Variants in ZMYND11 observed in about 807,000 individuals in gnomAD.
ZMYND11 encodes zinc finger MYND domain-containing protein 11.
A neutral mutation model predicts 84.9 loss-of-function variants in ZMYND11; 9 were observed. The observed-to-expected ratio is 0.11, with a 90% CI of 0.06 to 0.18. ZMYND11 has a LOEUF of 0.18. Ranked by LOEUF, ZMYND11 falls within the 10% of genes least tolerant of loss-of-function variation. The pLI is 1.00. For missense variants in ZMYND11, 409 were observed against 761.0 expected (o/e 0.54, Z 5.44); for synonymous variants, 250 against 244.1 (o/e 1.02, Z -0.23).
At chr10:166,269 G>A (rs920227837) in intron 1 of ZMYND11, among the ~76,000 whole-genome samples, 2 of 152,092 alleles carry the variant, frequency 1.3e-5, no homozygotes, top group African/African-American at 2.4e-5. Flanking sequence ...AAATTTGAAA[G>A]TTTTATGCAT....
chr10:218,079 A>G (rs1326352067), intron 3 of ZMYND11, among the ~76,000 whole-genome samples: 1 of 151,482 alleles, frequency 6.6e-6, no homozygotes, highest in Non-Finnish European at 1.5e-5. Flanking sequence ...TTAATAAGAC[A>G]TACATTCATG....
chr10:249,805 T>C, intron 14 of ZMYND11: 4 of 955,522 alleles, frequency 4.2e-6, no homozygotes, highest in Non-Finnish European at 5.0e-6. Flanking sequence ...TTCTTCATTT[T>C]ATCAAGCCTA....
At chr10:188,350 G>A (rs549726687) in intron 2 of ZMYND11, among the ~76,000 whole-genome samples, 138 of 152,018 alleles carry the variant, frequency 9.1e-4, no homozygotes, top group African/African-American at 3.2e-3. Flanking sequence ...ACTTTGGGAG[G>A]CTGAGGCAGG....
intron 4 of ZMYND11, among the ~76,000 whole-genome samples, chr10:234,430 A>AG (rs1949564659): frequency 6.6e-6 from 1 of 152,334 alleles, no homozygotes; most frequent in East Asian, 1.9e-4. Context: ...TGTGCATGAT[A>AG]TTTAGTGAAT....
At chr10:167,336 G>A (rs1216227294) in intron 1 of ZMYND11, among the ~76,000 whole-genome samples, 1 of 152,002 alleles carries the variant, frequency 6.6e-6, no homozygotes, top group Non-Finnish European at 1.5e-5. Context: ...AATTGTATGT[G>A]AATTATACCT....
At chr10:235,686 C>T (rs1202366192) in intron 4 of ZMYND11, among the ~76,000 whole-genome samples, 2 of 152,162 alleles carry the variant, frequency 1.3e-5, no homozygotes, top group African/African-American at 2.4e-5. Flanking sequence ...TTGGCGTAAA[C>T]GGAGCAGCTG....
At chr10:236,542 CTAT>C (rs1461871875) in intron 4 of ZMYND11, among the ~76,000 whole-genome samples, 1 of 152,026 alleles carries the variant, frequency 6.6e-6, no homozygotes, top group Non-Finnish European at 1.5e-5. Flanking sequence ...TCCCTTATGT[CTAT>C]TATTTGTTTA....
In ZMYND11 at chr10:187,603, C is replaced by G. The variant is rs532355215; in HGVS notation, c.116+7475C>G. Among the ~76,000 whole-genome samples, 597 of 149,630 alleles carry G rather than the reference C, an allele frequency of 4.0e-3. 1 individual carries two copies. The highest frequency in any genetic ancestry group is 0.031 in the Middle Eastern group (9 of 292). On this transcript the variant is annotated intron_variant, in intron 2 of 14. Transcript: ENST00000381604. ...GAGCCGAGATTGCGCCACTGCAATC[C>G]GGCCTGGGCTAAACAGCGGGACTCC...
intron 3 of ZMYND11, among the ~76,000 whole-genome samples, chr10:211,002 A>C (rs1945120502): frequency 6.6e-6 from 1 of 151,744 alleles, no homozygotes; most frequent in Non-Finnish European, 1.5e-5. Flanking sequence ...CTACAAAAAA[A>C]AATAAAATAC....
Position 252,123 on chromosome 10 carries a change from CA to C in ZMYND11, c.1687-224del, listed in dbSNP as rs1283829998. Among the ~76,000 whole-genome samples, 1 of 152,116 alleles carries C rather than the reference CA, an allele frequency of 6.6e-6. No individual in the cohort carries two copies. Among genetic ancestry groups the C allele is most frequent in the Non-Finnish European group, 1.5e-5 (1 of 68,038 alleles). On this transcript the variant is annotated intron_variant, in intron 14 of 14. Transcript: ENST00000381604. The surrounding 1 kb of genome is among the most constrained non-coding windows in gnomAD (Gnocchi z 4.6). ...CAGAGATGGAAAAAACGGGAGGTGTCAGGTACCACCTGACAGCAGCTTGAGT... is the reference window on the plus strand; with the variant it reads ...CAGAGATGGAAAAAACGGGAGGTGTCGGTACCACCTGACAGCAGCTTGAGT...
intron 2 of ZMYND11, among the ~76,000 whole-genome samples, chr10:200,300 ATT>A (rs1280943172): frequency 3.1e-5 from 1 of 32,320 alleles, no homozygotes; most frequent in Non-Finnish European, 7.0e-5. Flanking sequence ...TAAAATGTAT[ATT>A]ATATATAATA....
intron 1 of ZMYND11, among the ~76,000 whole-genome samples, chr10:158,613 G>A (rs1286394653): frequency 6.7e-6 from 1 of 149,668 alleles, no homozygotes; most frequent in Non-Finnish European, 1.5e-5. Context: ...TAGAGACGGG[G>A]TTTCACCATG....
At chr10:132,893 A>G (rs1726478259), upstream of ZMYND11, among the ~76,000 whole-genome samples, 1 of 152,184 alleles carries the variant, frequency 6.6e-6, no homozygotes, top group South Asian at 2.1e-4. Context: ...TTTGAAACTC[A>G]CCAATGCAAA....
chr10:250,349 G>T (rs765136004), intron 14 of ZMYND11, among the ~76,000 whole-genome samples: 1 of 152,212 alleles, frequency 6.6e-6, no homozygotes, highest in Admixed American at 6.5e-5. Context: ...ACCCAAAGAC[G>T]CCAGGTGCAG....
At chr10:194,853 G>C (rs912334324) in intron 2 of ZMYND11, among the ~76,000 whole-genome samples, 4 of 152,150 alleles carry the variant, frequency 2.6e-5, no homozygotes, top group African/African-American at 4.8e-5. Context: ...GGATGTAATG[G>C]AGGAAATGAG....
intron 7 of ZMYND11, 173 bp from the exon 8 acceptor site, chr10:239,883 G>C (rs1950589167): frequency 5.2e-6 from 3 of 572,856 alleles, no homozygotes; most frequent in South Asian, 4.7e-5. Context: ...GGTTGTATTG[G>C]ATGGAAAACA....
intron 6 of ZMYND11, 144 bp from the exon 7 acceptor site, chr10:239,294 T>TGAA: frequency 1.5e-6 from 1 of 646,382 alleles, no homozygotes; most frequent in East Asian, 2.7e-5. Flanking sequence ...TGGCTTCTTT[T>TGAA]ACACACATTC....
chr10:231,165 CAG>C, intron 4 of ZMYND11, among the ~76,000 whole-genome samples: 1 of 152,336 alleles, frequency 6.6e-6, no homozygotes, highest in African/African-American at 2.4e-5. Context: ...GTAGTCGAGA[CAG>C]AGACCAACCA....
chr10:165,715 T>G (rs1843850960), intron 1 of ZMYND11, among the ~76,000 whole-genome samples: 1 of 152,164 alleles, frequency 6.6e-6, no homozygotes, highest in Non-Finnish European at 1.5e-5. Context: ...TTCCTCATTC[T>G]ACACCCTGTA....
Sources: gnomAD v4.1 joint callset for allele counts (sites outside exome capture counted in the v4.1 genomes callset) on GRCh38, gnomAD v4.1.1 for gene constraint, Gnocchi (gnomAD v3.1) non-coding constraint, MANE v1.5 for transcripts, NCBI Gene and HGNC (gene_info 2026-07-23, HGNC 2026-07-21) for gene names.